EDIL3: variants seen among roughly 807,000 people sequenced by gnomAD.
EDIL3 encodes the protein EGF-like repeat and discoidin I-like domain-containing protein 3.
A neutral mutation model predicts 67.4 loss-of-function variants in EDIL3; 37 were observed. The observed-to-expected ratio is 0.55, with a 90% CI of 0.42 to 0.72. The LOEUF (loss-of-function observed/expected upper bound fraction) is 0.72, where lower values mean the gene tolerates loss of function less well. EDIL3 is among the 30% of genes least tolerant of loss of function. EDIL3 has a pLI of 0.00. For missense variants in EDIL3, 527 were observed against 586.3 expected (o/e 0.90, Z 1.04); for synonymous variants, 195 against 196.3 (o/e 0.99, Z 0.05).
Position 84,251,914 on chromosome 5 carries a change from T to C in EDIL3, c.196+2170A>G, listed in dbSNP as rs149950304. On this transcript the variant is annotated intron_variant, in intron 2 of 10. Coordinates refer to ENST00000296591, the MANE Select transcript of EDIL3 (RefSeq NM_005711.5). Reference sequence around the variant, plus strand: ...CTCCTAAATACAGCCCAGAGAAGAATAGGGTTGTATGAAATGTATAATTAA... The same window carrying C: ...CTCCTAAATACAGCCCAGAGAAGAACAGGGTTGTATGAAATGTATAATTAA... 5.9e-3 allele frequency among the ~76,000 whole-genome samples: 901 copies of C among 152,238 alleles called. 3 individuals carry two copies. Among genetic ancestry groups the C allele is most frequent in the African/African-American group, 0.019 (808 of 41,534 alleles).
At chr5:84,015,595 TAGC>T (rs1376826149) in intron 9 of EDIL3, among the ~76,000 whole-genome samples, 7 of 152,270 alleles carry the variant, frequency 4.6e-5, no homozygotes, top group Admixed American at 2.0e-4. Context: ...GAAAATCACT[TAGC>T]AGGGATGAAA....
chr5:84,371,609 TA>T (rs947718178), intron 1 of EDIL3, among the ~76,000 whole-genome samples: 61 of 150,944 alleles, frequency 4.0e-4, no homozygotes, highest in African/African-American at 1.3e-3. Flanking sequence ...ATGTACATGA[TA>T]AAAAATAACA....
chr5:83,979,892 G>T (rs1447540915), intron 9 of EDIL3, among the ~76,000 whole-genome samples: 1 of 152,076 alleles, frequency 6.6e-6, no homozygotes, highest in Non-Finnish European at 1.5e-5. Flanking sequence ...TGAACCATAG[G>T]TTCCTATGCA....
chr5:84,284,265 G>A (rs1274656301), intron 1 of EDIL3, among the ~76,000 whole-genome samples: 3 of 151,994 alleles, frequency 2.0e-5, no homozygotes, highest in Non-Finnish European at 2.9e-5. Flanking sequence ...TCTACTTTTA[G>A]CTCCTTTTAG....
chr5:83,989,798 A>G (rs1737334371), intron 9 of EDIL3, among the ~76,000 whole-genome samples: 1 of 152,108 alleles, frequency 6.6e-6, no homozygotes, highest in Admixed American at 6.5e-5. Context: ...TCCCTTGATC[A>G]TGTTATTAAG....
intron 1 of EDIL3, among the ~76,000 whole-genome samples, chr5:84,287,075 A>G (rs1561245947): frequency 6.6e-6 from 1 of 152,210 alleles, no homozygotes; most frequent in Non-Finnish European, 1.5e-5. Context: ...AGAGGAAGAC[A>G]GCCACATAAT....
intron 9 of EDIL3, among the ~76,000 whole-genome samples, chr5:84,016,409 A>G (rs767616060): frequency 2.6e-5 from 4 of 152,124 alleles, no homozygotes; most frequent in Non-Finnish European, 1.5e-5. Context: ...GTGTTGCAAA[A>G]ATTAATGTTC....
At chr5:84,132,298 A>ATATATAATATATTATATATATTT (rs1561440463) in intron 5 of EDIL3, among the ~76,000 whole-genome samples, 24 of 93,482 alleles carry the variant, frequency 2.6e-4, no homozygotes, top group Non-Finnish European at 2.7e-4. Flanking sequence ...TATATATTTT[A>ATATATAATATATTATATATATTT]TATATAATAT....
At chr5:84,166,769 AT>A (rs1748711804) in intron 4 of EDIL3, among the ~76,000 whole-genome samples, 1 of 152,130 alleles carries the variant, frequency 6.6e-6, no homozygotes, top group Non-Finnish European at 1.5e-5. Flanking sequence ...ACTCTGGAAA[AT>A]TCTTACTTGA....
In EDIL3 at chr5:83,956,521, T is replaced by C. The variant is rs376051197; in HGVS notation, c.1293+6684A>G. 3.8e-4 allele frequency among the ~76,000 whole-genome samples: 58 copies of C among 151,900 alleles called. 1 individual carries two copies. The South Asian group carries it at 0.012, about 31-fold the overall frequency. On this transcript the variant is annotated intron_variant, in intron 10 of 10. Coordinates refer to ENST00000296591, the MANE Select transcript of EDIL3 (RefSeq NM_005711.5). ...GAATTCAGTTTATTTAACTAGATTG[T>C]CCTTTCCCAACTCAGCAGGCAGATC...
intron 3 of EDIL3, among the ~76,000 whole-genome samples, chr5:84,189,926 TA>T: frequency 6.6e-6 from 1 of 152,124 alleles, no homozygotes; most frequent in South Asian, 2.1e-4. Context: ...AAAGCTGACA[TA>T]ATATACTTAA....
chr5:84,205,205 C>G (rs925162197), intron 3 of EDIL3, among the ~76,000 whole-genome samples: 14 of 152,116 alleles, frequency 9.2e-5, no homozygotes, highest in African/African-American at 2.6e-4. Context: ...TGTTAGCCAC[C>G]ATGCCAGGCT....
intron 1 of EDIL3, among the ~76,000 whole-genome samples, chr5:84,259,024 A>G (rs1407502487): frequency 1.6e-5 from 2 of 123,610 alleles, no homozygotes; most frequent in Admixed American, 1.1e-4. Flanking sequence ...CAGTGGCGCG[A>G]TCTCAGCTCA....
intron 3 of EDIL3, among the ~76,000 whole-genome samples, chr5:84,198,431 C>T (rs1044686660): frequency 6.6e-6 from 1 of 151,900 alleles, no homozygotes; most frequent in Non-Finnish European, 1.5e-5. Flanking sequence ...AAAAGTAGTG[C>T]TGTAGTGAAG....
At chr5:84,160,744 T>TCTTTC (rs58536621) in intron 4 of EDIL3, among the ~76,000 whole-genome samples, 2,616 of 99,400 alleles carry the variant, frequency 0.026, 51 homozygotes, top group Admixed American at 0.028. Context: ...TCTTTTCTTT[T>TCTTTC]CTTTCCTTTC....
chr5:84,297,355 A>T lies in EDIL3; in HGVS notation c.68-43143T>A, dbSNP rs182286813. Among the ~76,000 whole-genome samples the T allele has an allele frequency of 1.2e-3, 179 of 152,262 alleles. 1 individual carries two copies. Among genetic ancestry groups the T allele is most frequent in the Middle Eastern group, 3.4e-3 (1 of 294 alleles). Reference sequence around the variant, plus strand: ...ATATGATCTCATGCCAGTCAGAATGACAATTATAAAAAATTTCAAGAAACA... The same window carrying T: ...ATATGATCTCATGCCAGTCAGAATGTCAATTATAAAAAATTTCAAGAAACA... On this transcript the variant is annotated intron_variant, in intron 1 of 10. Coordinates refer to ENST00000296591, the MANE Select transcript of EDIL3 (RefSeq NM_005711.5).
At position 84,137,278 on chromosome 5, in the gene EDIL3, C is replaced by T; in HGVS notation, c.432G>A (p.Glu144=). The stretch of plus-strand genomic sequence containing the variant: ...TTCTTCCCATAAATTCGCCTGGGCA[C>T]TCACAGGAATAGTTAGCAACAAGAT... ...CTDLVANYSC[E]CPGEFMGRNC... is the part of the protein sequence containing the mutation. The change falls in exon 5 of 11, where the codon GAG becomes GAA. Residue 144 remains glutamate (E), a synonymous_variant. Coordinates refer to ENST00000296591, the MANE Select transcript of EDIL3 (RefSeq NM_005711.5). 1 of 1,613,604 alleles carries T rather than the reference C, an allele frequency of 6.2e-7. No individual in the cohort carries two copies. The highest frequency in any genetic ancestry group is 8.5e-7 in the Non-Finnish European group (1 of 1,179,904).
chr5:84,058,685 G>A (rs565079406), intron 9 of EDIL3, among the ~76,000 whole-genome samples: 1 of 152,214 alleles, frequency 6.6e-6, no homozygotes, highest in South Asian at 2.1e-4. Flanking sequence ...CTACGAGGAT[G>A]GAGGAAAATA....
chr5:84,054,620 A>G (rs1746408476), intron 9 of EDIL3, among the ~76,000 whole-genome samples: 1 of 152,142 alleles, frequency 6.6e-6, no homozygotes, highest in Non-Finnish European at 1.5e-5. Flanking sequence ...GTCTCAGGAT[A>G]CAAAATCAAT....
Sources: gnomAD v4.1 joint callset for allele counts (sites outside exome capture counted in the v4.1 genomes callset) on GRCh38, gnomAD v4.1.1 for gene constraint, MANE v1.5 for transcripts, NCBI Gene and HGNC (gene_info 2026-07-23, HGNC 2026-07-21) for gene names.